ARB2A: variants seen among roughly 807,000 people sequenced by gnomAD.
The protein encoded by ARB2A is cotranscriptional regulator ARB2A.
the ARB2A span, among the ~76,000 whole-genome samples, chr5:94,061,229 C>T: frequency 6.6e-6 from 1 of 151,982 alleles, no homozygotes; most frequent in African/African-American, 2.4e-5. Context: ...CAGAGCAAGA[C>T]TCCGTCTCAA....
chr5:93,954,422 T>C, the ARB2A span, among the ~76,000 whole-genome samples: 3 of 151,934 alleles, frequency 2.0e-5, no homozygotes, highest in Non-Finnish European at 4.4e-5. Flanking sequence ...GTCTGGAATC[T>C]AGTGTCTGGA....
At chr5:93,928,106 G>C in the ARB2A span, among the ~76,000 whole-genome samples, 4 of 151,776 alleles carry the variant, frequency 2.6e-5, no homozygotes. Flanking sequence ...GATAACTTTT[G>C]TAAGCTAACA....
At chr5:93,696,248 T>C in the ARB2A span, among the ~76,000 whole-genome samples, 1 of 152,206 alleles carries the variant, frequency 6.6e-6, no homozygotes, top group South Asian at 2.1e-4. Flanking sequence ...TTATAACTTT[T>C]ATTTTCTTCC....
At chr5:93,877,894 G>A in the ARB2A span, among the ~76,000 whole-genome samples, 2 of 152,208 alleles carry the variant, frequency 1.3e-5, no homozygotes, top group African/African-American at 2.4e-5. Context: ...CAGCAGCCTG[G>A]CTGTACTCTT....
chr5:93,677,191 T>C, the ARB2A span, among the ~76,000 whole-genome samples: 1 of 152,164 alleles, frequency 6.6e-6, no homozygotes, highest in African/African-American at 2.4e-5. Flanking sequence ...AAAACTCAAC[T>C]GCCAGCTCTA....
chr5:93,937,002 G>A, the ARB2A span, among the ~76,000 whole-genome samples: 1 of 147,274 alleles, frequency 6.8e-6, no homozygotes, highest in Admixed American at 6.8e-5. Flanking sequence ...GTGCAGTGGC[G>A]CGATCTTGGC....
chr5:93,780,719 C>A, the ARB2A span, among the ~76,000 whole-genome samples: 2 of 152,130 alleles, frequency 1.3e-5, no homozygotes, highest in Non-Finnish European at 2.9e-5. Flanking sequence ...GCCACCACGC[C>A]TGGCTAATTT....
the ARB2A span, among the ~76,000 whole-genome samples, chr5:93,703,970 T>C: frequency 2.0e-5 from 3 of 152,166 alleles, no homozygotes; most frequent in African/African-American, 7.2e-5. Context: ...GCTCTGGAGT[T>C]GCAAAGCTGG....
chr5:93,760,523 A>C, the ARB2A span, among the ~76,000 whole-genome samples: 10 of 152,370 alleles, frequency 6.6e-5, no homozygotes, highest in South Asian at 2.1e-3. Flanking sequence ...TACAGTCACC[A>C]AAACAGTGTG....
chr5:94,073,102 G>C, the ARB2A span, among the ~76,000 whole-genome samples: 1 of 152,062 alleles, frequency 6.6e-6, no homozygotes, highest in Non-Finnish European at 1.5e-5. Flanking sequence ...GAACAGCAGA[G>C]AGTGATCATC....
chr5:94,082,094 G>C, the ARB2A span, among the ~76,000 whole-genome samples: 2 of 152,154 alleles, frequency 1.3e-5, no homozygotes, highest in African/African-American at 4.8e-5. Context: ...ATTATATAAA[G>C]ATTTTGTAAA....
chr5:94,014,033 G>C, the ARB2A span, among the ~76,000 whole-genome samples: 1 of 152,102 alleles, frequency 6.6e-6, no homozygotes, highest in Non-Finnish European at 1.5e-5. Context: ...CAAAAATCCT[G>C]CCCCTGCCTT....
chr5:93,819,065 A>T, the ARB2A span, among the ~76,000 whole-genome samples: 1 of 151,034 alleles, frequency 6.6e-6, no homozygotes, highest in Non-Finnish European at 1.5e-5. Flanking sequence ...GCGTGCCTGT[A>T]GTCCCAGCTA....
the ARB2A span, among the ~76,000 whole-genome samples, chr5:94,051,791 C>G: frequency 6.6e-6 from 1 of 152,158 alleles, no homozygotes. Context: ...GGACTCTCCT[C>G]AGAGCAAATA....
chr5:93,855,057 G>C, the ARB2A span, among the ~76,000 whole-genome samples: 4 of 152,112 alleles, frequency 2.6e-5, no homozygotes, highest in Non-Finnish European at 4.4e-5. Context: ...TGATAGTGGG[G>C]TGTTAAAGTC....
chr5:93,795,675 ACAT>A, the ARB2A span, among the ~76,000 whole-genome samples: 3 of 152,146 alleles, frequency 2.0e-5, no homozygotes. Context: ...ACTCAAGATC[ACAT>A]CATGATTTGA....
the ARB2A span, among the ~76,000 whole-genome samples, chr5:93,912,782 C>A: frequency 2.6e-5 from 4 of 151,732 alleles, no homozygotes; most frequent in Non-Finnish European, 4.4e-5. Context: ...CTTCATATTT[C>A]TTTTTCTTCT....
the ARB2A span, among the ~76,000 whole-genome samples, chr5:93,685,909 C>T: frequency 6.6e-5 from 10 of 152,136 alleles, 1 homozygote; most frequent in South Asian, 2.1e-3. Context: ...ACCAAGGCTG[C>T]CAAAATTCCA....
At chr5:93,761,975 AC>A in the ARB2A span, among the ~76,000 whole-genome samples, 1 of 152,146 alleles carries the variant, frequency 6.6e-6, no homozygotes, top group Non-Finnish European at 1.5e-5. Context: ...ATTCCAACAG[AC>A]CTGCAGATGA....
Sources: gnomAD v4.1 joint callset for allele counts (sites outside exome capture counted in the v4.1 genomes callset) on GRCh38, gnomAD v4.1.1 for gene constraint, MANE v1.5 for transcripts, NCBI Gene and HGNC (gene_info 2026-07-23, HGNC 2026-07-21) for gene names.